Variants in RBFOX3 observed in about 807,000 individuals in gnomAD.
RBFOX3 encodes RNA binding fox-1 homolog 3, also known as RNA binding protein fox-1 homolog 3.
A neutral mutation model predicts 48.7 loss-of-function variants in RBFOX3; 17 were observed. That is an observed-to-expected ratio of 0.35 (90% confidence interval 0.24 to 0.52). RBFOX3 has a LOEUF of 0.52. RBFOX3 is among the 20% of genes least tolerant of loss of function. The pLI, the probability that RBFOX3 is intolerant of heterozygous loss-of-function variation, is 0.94. For synonymous variants in RBFOX3, 212 were observed against 209.5 expected (o/e 1.01, Z -0.10); for missense variants, 382 against 497.5 (o/e 0.77, Z 2.21).
intron 1 of RBFOX3, among the ~76,000 whole-genome samples, chr17:79,545,130 T>C (rs1414297763): frequency 6.6e-6 from 1 of 152,210 alleles, no homozygotes; most frequent in Non-Finnish European, 1.5e-5. Context: ...TCTTCATTGC[T>C]GAGAGCATCT....
At chr17:79,476,162 C>T (rs1301451617) in intron 2 of RBFOX3, among the ~76,000 whole-genome samples, 1 of 152,228 alleles carries the variant, frequency 6.6e-6, no homozygotes, top group Non-Finnish European at 1.5e-5. Context: ...GCCCTCCCTT[C>T]CCGCTCCAGC....
chr17:79,349,266 A>C (rs1432338891), intron 2 of RBFOX3, among the ~76,000 whole-genome samples: 1 of 151,928 alleles, frequency 6.6e-6, no homozygotes, highest in Non-Finnish European at 1.5e-5. Flanking sequence ...CTGCGGGGCC[A>C]GGCACAGTCC....
intron 4 of RBFOX3, among the ~76,000 whole-genome samples, chr17:79,120,637 A>G (rs12948772): frequency 0.99 from 144,643 of 146,174 alleles, 71,575 homozygotes; most frequent in Middle Eastern, 1. Flanking sequence ...GTGGATGAAA[A>G]ATTGGTGGGT....
rs539204441 is a variant in RBFOX3, at chr17:79,535,519, T to C, written c.-319-52921A>G. ...ACCCAAGTGAGTCACCCCAAACGAA[T>C]GAGGCCCTCAGATGATCCACAGGCT... is the stretch of plus-strand genomic sequence containing the variant. On this transcript the variant is annotated intron_variant, in intron 1 of 14. Transcript: ENST00000693108. This position sits in a 1 kb window ranked among gnomAD's most constrained non-coding sequence, Gnocchi z 4.5. Among the ~76,000 whole-genome samples, 2 of 152,240 alleles carry C rather than the reference T, an allele frequency of 1.3e-5. No homozygotes were observed. Among genetic ancestry groups the C allele is most frequent in the Non-Finnish European group, 2.9e-5 (2 of 68,014 alleles).
chr17:79,230,541 G>T (rs1349578282), intron 4 of RBFOX3, among the ~76,000 whole-genome samples: 1 of 152,122 alleles, frequency 6.6e-6, no homozygotes, highest in Non-Finnish European at 1.5e-5. Flanking sequence ...TTACAGGGGT[G>T]AGCCACGGCA....
intron 4 of RBFOX3, among the ~76,000 whole-genome samples, chr17:79,230,519 A>G (rs9905813): frequency 0.43 from 65,408 of 151,640 alleles, 14,381 homozygotes; most frequent in African/African-American, 0.49. Context: ...TCGGCCTCCC[A>G]AAGTGCTGGG....
intron 1 of RBFOX3, among the ~76,000 whole-genome samples, chr17:79,588,694 A>G (rs1349963479): frequency 1.3e-5 from 2 of 150,976 alleles, no homozygotes; most frequent in Non-Finnish European, 3.0e-5. Context: ...AACGAGACCC[A>G]TCCTGAGCTT....
chr17:79,580,791 G>A (rs2093033579), intron 1 of RBFOX3, among the ~76,000 whole-genome samples: 1 of 152,126 alleles, frequency 6.6e-6, no homozygotes, highest in Non-Finnish European at 1.5e-5. Context: ...CTAACCCATG[G>A]CAGACACGAC....
intron 1 of RBFOX3, among the ~76,000 whole-genome samples, chr17:79,609,004 C>CCCA (rs1489580758): frequency 1.3e-5 from 2 of 151,926 alleles, no homozygotes; most frequent in Non-Finnish European, 2.9e-5. Context: ...GGCCCATACC[C>CCCA]GGCTTTCATC....
intron 1 of RBFOX3, among the ~76,000 whole-genome samples, chr17:79,547,455 GAAACAA>G (rs1281081240): frequency 6.6e-6 from 1 of 151,510 alleles, no homozygotes; most frequent in African/African-American, 2.4e-5. Context: ...ACTCCATCTC[GAAACAA>G]AAACAAAAAC....
intron 1 of RBFOX3, among the ~76,000 whole-genome samples, chr17:79,531,438 C>T (rs975576262): frequency 8.5e-5 from 13 of 152,202 alleles, no homozygotes; most frequent in Non-Finnish European, 1.5e-4. Context: ...TTTCGGCAGC[C>T]AGTGAAGGAC....
chr17:79,486,222 A>G (rs924265352), intron 1 of RBFOX3, among the ~76,000 whole-genome samples: 143 of 150,458 alleles, frequency 9.5e-4, no homozygotes, highest in Non-Finnish European at 1.8e-3. Context: ...GTGGCTTCTC[A>G]GGGCGCAGTG....
rs577971400 is a variant in RBFOX3, at chr17:79,257,902, GA to G, written c.-73-22098del. ...GGTCTGTCCTTTGCTTTTGTTTTGG[GA>G]AAAAAAAATAAAAAAATAAAAAGCA... On this transcript the variant is annotated intron_variant, in intron 3 of 14. Coordinates refer to ENST00000693108, the MANE Select transcript of RBFOX3 (RefSeq NM_001350451.2). Among the ~76,000 whole-genome samples the G allele has an allele frequency of 1.8e-3, 274 of 149,648 alleles. 3 individuals carry two copies. In the Middle Eastern group the frequency reaches 0.024, roughly 13 times the overall value.
At chr17:79,279,785 G>A (rs1331296516) in intron 3 of RBFOX3, among the ~76,000 whole-genome samples, 1 of 152,194 alleles carries the variant, frequency 6.6e-6, no homozygotes, top group Non-Finnish European at 1.5e-5. Flanking sequence ...CCCAGGCAGG[G>A]GGAGGTCACA....
At chr17:79,658,793 G>T in the RBFOX3 span, among the ~76,000 whole-genome samples, 2 of 152,040 alleles carry the variant, frequency 1.3e-5, no homozygotes, top group Non-Finnish European at 2.9e-5. Context: ...TCATTCATCG[G>T]CCCTGAAAAC....
intron 1 of RBFOX3, among the ~76,000 whole-genome samples, chr17:79,555,040 G>T (rs1357622697): frequency 5.9e-5 from 9 of 152,218 alleles, no homozygotes. Flanking sequence ...CAGAACACAG[G>T]CTTGAGTGTC....
chr17:79,163,223 G>A (rs11649833), intron 4 of RBFOX3, among the ~76,000 whole-genome samples: 88,722 of 152,064 alleles, frequency 0.58, 29,474 homozygotes, highest in Non-Finnish European at 0.73. Context: ...CCTTGGGGCC[G>A]GGCAGCACAC....
intron 2 of RBFOX3, among the ~76,000 whole-genome samples, chr17:79,334,039 A>G (rs2080811460): frequency 6.6e-6 from 1 of 151,508 alleles, no homozygotes; most frequent in Non-Finnish European, 1.5e-5. Flanking sequence ...TGCCAAATCC[A>G]GCAATCCATC....
intron 4 of RBFOX3, among the ~76,000 whole-genome samples, chr17:79,141,018 G>A (rs1302602137): frequency 2.0e-5 from 3 of 152,178 alleles, no homozygotes; most frequent in Admixed American, 6.5e-5. Flanking sequence ...GGGATTTCCT[G>A]AGCACTCTCT....
Sources: allele counts gnomAD v4.1 joint callset (sites outside exome capture counted in the v4.1 genomes callset), GRCh38; gene constraint gnomAD v4.1.1; non-coding constraint Gnocchi (gnomAD v3.1); transcripts MANE v1.5; gene names NCBI Gene and HGNC (gene_info 2026-07-23, HGNC 2026-07-21).